Variants in DSC1 observed in about 807,000 individuals in gnomAD.
DSC1 encodes the protein desmocollin-1.
Under a neutral mutation model 98.8 loss-of-function variants are expected in DSC1, and 79 were observed. That is an observed-to-expected ratio of 0.80 (90% CI 0.67 to 0.96). The LOEUF (loss-of-function observed/expected upper bound fraction) is 0.96. Among genes scored for constraint, DSC1 ranks in the 50% least tolerant of loss-of-function variants. The pLI is 0.00. For synonymous variants in DSC1, 405 were observed against 372.1 expected, an observed-to-expected ratio of 1.09 and a Z score of -1.02; for missense variants, 1,115 against 1,075.9, an observed-to-expected ratio of 1.04 and a Z score of -0.51.
rs547626417 is a variant in DSC1, at chr18:31,162,769, C to T, written c.-175G>A. ...AAGTGATAAACAGTAGGAGGAGCAA[C>T]GGGAGAATTTCTTTCCCCCTATTCC... On this transcript the variant is annotated 5_prime_UTR_variant, in exon 1 of 16. Transcript: ENST00000257198. 101 of 588,090 alleles carry T rather than the reference C, an allele frequency of 1.7e-4. No homozygotes were observed. Among genetic ancestry groups the T allele is most frequent in the African/African-American group, 1.7e-3 (89 of 53,358 alleles). The allele number at this position is 588,090 out of a possible 1,614,324, so 36.4% of individuals were successfully genotyped here.
At chr18:31,153,775 T>C (rs1989043793) in intron 5 of DSC1, among the ~76,000 whole-genome samples, 1 of 152,146 alleles carries the variant, frequency 6.6e-6, no homozygotes, top group Non-Finnish European at 1.5e-5. Flanking sequence ...GATTTCTTTT[T>C]AACAAGTAAA....
At chr18:31,145,467 G>A in intron 7 of DSC1, 144 bp downstream of exon 7, 2 of 768,998 alleles carry the variant, frequency 2.6e-6, no homozygotes, top group South Asian at 2.0e-5. Flanking sequence ...AAGGACCGAG[G>A]ACATCTCCAG....
At chr18:31,149,167 C>T (rs1441093720) in intron 5 of DSC1, among the ~76,000 whole-genome samples, 1 of 152,106 alleles carries the variant, frequency 6.6e-6, no homozygotes, top group East Asian at 1.9e-4. Flanking sequence ...AAAATGAATG[C>T]CTTGTCCCCA....
chr18:31,137,121 T>C (rs538570087), intron 11 of DSC1, among the ~76,000 whole-genome samples: 1 of 150,384 alleles, frequency 6.6e-6, no homozygotes, highest in South Asian at 2.1e-4. Flanking sequence ...GTAACTAGAA[T>C]CACTGTATTA....
At chr18:31,131,882 T>C in intron 14 of DSC1, 40 bp from the exon 15 acceptor site, 2 of 1,606,328 alleles carry the variant, frequency 1.2e-6, no homozygotes, top group African/African-American at 2.7e-5. Context: ...ATTTGAAAAA[T>C]GGAAACTAAC....
rs1387632373 is a variant in DSC1 at position 31,130,654 on chromosome 18, A to T, written c.2545T>A (p.Ser849Thr). The change falls in exon 16 of 16, where the codon TCG becomes ACG. Residue 849 changes from serine to threonine, a missense_variant. Physicochemically the swap from Ser to Thr is moderately conservative, Grantham distance 58 (BLOSUM62 1). Transcript: ENST00000257198. Reference protein sequence around the residue: ...EHKHCEDYVCSYNYEGKGSLA... With the variant: ...EHKHCEDYVCTYNYEGKGSLA... ...GAACCTTTGCCTTCATAGTTATACG[A>T]ACAAACGTAGTCTTCACAATGTTTA... 6.2e-7 allele frequency: 1 copy of T among 1,614,200 alleles called. No individual in the cohort carries two copies.
chr18:31,150,431 T>C (rs1568003009), intron 5 of DSC1, among the ~76,000 whole-genome samples: 11 of 66,076 alleles, frequency 1.7e-4, no homozygotes, highest in Admixed American at 2.7e-4. Flanking sequence ...GCTACCACTA[T>C]TACCATCACC....
At chr18:31,150,312 CTACTACCAT>C (rs1988955204) in intron 5 of DSC1, among the ~76,000 whole-genome samples, 10 of 26,370 alleles carry the variant, frequency 3.8e-4, no homozygotes, top group South Asian at 1.5e-3. Flanking sequence ...ATCACCACCA[CTACTACCAT>C]CATCACCACC....
chr18:31,162,314 C>G (rs16961381), intron 1 of DSC1, among the ~76,000 whole-genome samples: 5,789 of 152,258 alleles, frequency 0.038, 367 homozygotes, highest in African/African-American at 0.13. Context: ...ACTTTTAACA[C>G]TCTGGCAGTG....
At chr18:31,139,981 TA>T (rs1255264360) in intron 10 of DSC1, 60 bp downstream of exon 10, 3 of 1,570,876 alleles carry the variant, frequency 1.9e-6, no homozygotes, top group Non-Finnish European at 2.6e-6. Context: ...AAAACATTCA[TA>T]ACTTTAAAAA....
intron 5 of DSC1, among the ~76,000 whole-genome samples, chr18:31,153,205 C>G (rs1195983500): frequency 6.6e-6 from 1 of 152,060 alleles, no homozygotes; most frequent in Non-Finnish European, 1.5e-5. Flanking sequence ...CCCTATCAAA[C>G]AATTCCTCAG....
chr18:31,157,228 A>G (rs1989115176), intron 3 of DSC1, 143 bp downstream of exon 3: 2 of 864,798 alleles, frequency 2.3e-6, no homozygotes, highest in Non-Finnish European at 3.5e-6. Context: ...TCTAGTCTTT[A>G]TTTACACTAA....
Position 31,157,506 on chromosome 18 carries a change from T to C in DSC1, c.216A>G (p.Leu72=). The C allele has an allele frequency of 6.2e-7, 1 of 1,614,224 alleles. No homozygotes were observed. Among genetic ancestry groups the C allele is most frequent in the Non-Finnish European group, 8.5e-7 (1 of 1,180,034 alleles). The stretch of plus-strand genomic sequence containing the variant: ...GTGTTGTGTAAATTGAGCCATCTTC[T>C]AGAATTCTGAAGGCAGGGTCACTGG... ...IRSSDPAFRI[L]EDGSIYTTHD... The change falls in exon 3 of 16, where the codon CTA becomes CTG. Residue 72 remains leucine, a synonymous_variant. Coordinates refer to ENST00000257198, the MANE Select transcript of DSC1 (RefSeq NM_024421.2).
intron 9 of DSC1, among the ~76,000 whole-genome samples, chr18:31,140,517 A>G (rs541542486): frequency 3.3e-5 from 5 of 152,202 alleles, no homozygotes; most frequent in African/African-American, 1.2e-4. Context: ...TTTTCTTCTC[A>G]TTTTTCTTTT....
rs1034822807 is a variant in DSC1, at chr18:31,133,790, C to T, written c.2116+101G>A. On this transcript the variant is annotated intron_variant, in intron 13 of 15. Coordinates refer to ENST00000257198, the MANE Select transcript of DSC1 (RefSeq NM_024421.2). ...TAGATACAATATTTTTAAAAGAACA[C>T]ACTTCCCAAAGGCTATTAATATAAA... 13 of 1,183,324 alleles carry T rather than the reference C, an allele frequency of 1.1e-5. No individual in the cohort carries two copies. The Admixed American group carries it at 2.2e-4, about 20-fold the overall frequency. The allele number at this position is 1,183,324 out of a possible 1,614,324, so 73.3% of individuals were successfully genotyped here. A position where few individuals can be genotyped will look rare whatever the true frequency, so the allele number is the denominator to read the frequency against.
intron 8 of DSC1, among the ~76,000 whole-genome samples, chr18:31,142,988 G>A (rs1214823015): frequency 6.6e-6 from 1 of 151,798 alleles, no homozygotes; most frequent in African/African-American, 2.4e-5. Flanking sequence ...CACTGTACTT[G>A]CAGGTTTTTC....
intron 5 of DSC1, among the ~76,000 whole-genome samples, chr18:31,150,375 T>TCAGCAG (rs1555645626): frequency 1.9e-4 from 6 of 30,816 alleles, no homozygotes; most frequent in African/African-American, 5.4e-4. Flanking sequence ...ACCACCACCA[T>TCAGCAG]CATCACCACC....
intron 5 of DSC1, among the ~76,000 whole-genome samples, chr18:31,149,732 T>C (rs1224039869): frequency 6.6e-6 from 1 of 152,174 alleles, no homozygotes; most frequent in Admixed American, 6.5e-5. Context: ...ATCCTCATTA[T>C]TGTGTTAAAA....
chr18:31,151,095 A>T (rs1168822198), intron 5 of DSC1, among the ~76,000 whole-genome samples: 1 of 152,212 alleles, frequency 6.6e-6, no homozygotes, highest in Non-Finnish European at 1.5e-5. Flanking sequence ...AATTTAGACT[A>T]ATTTGTCTTA....
Sources: gnomAD v4.1 joint callset for allele counts (sites outside exome capture counted in the v4.1 genomes callset) on GRCh38, gnomAD v4.1.1 for gene constraint, MANE v1.5 for transcripts, NCBI Gene and HGNC (gene_info 2026-07-23, HGNC 2026-07-21) for gene names.